The following SORCS3 variants were observed in gnomAD, a reference collection of about 807,000 sequenced individuals.
SORCS3 encodes the protein VPS10 domain-containing receptor SorCS3.
In SORCS3, 57 loss-of-function variants were observed where a neutral mutation model predicts 146.3. The observed-to-expected ratio is 0.39, with a 90% CI of 0.31 to 0.49. The LOEUF (loss-of-function observed/expected upper bound fraction) is 0.49, where lower values mean the gene tolerates loss of function less well. Among genes scored for constraint, SORCS3 ranks in the 20% least tolerant of loss-of-function variants. SORCS3 has a pLI of 0.92. For synonymous variants in SORCS3, 653 were observed against 618.5 expected, an observed-to-expected ratio of 1.06 and a Z score of -0.83; for missense variants, 1,341 against 1,575.5, an observed-to-expected ratio of 0.85 and a Z score of 2.52.
intron 7 of SORCS3, among the ~76,000 whole-genome samples, chr10:105,134,779 C>T (rs1170078862): frequency 6.6e-6 from 1 of 152,110 alleles, no homozygotes; most frequent in Non-Finnish European, 1.5e-5. Flanking sequence ...GTCCTTCTCA[C>T]ATGCAAAATA....
chr10:104,878,565 A>G (rs2018599529), intron 2 of SORCS3, among the ~76,000 whole-genome samples: 1 of 152,224 alleles, frequency 6.6e-6, no homozygotes, highest in Non-Finnish European at 1.5e-5. Context: ...TATTTATGAA[A>G]AGATATCTGT....
chr10:104,967,911 C>T (rs1327333928), intron 3 of SORCS3, among the ~76,000 whole-genome samples: 33 of 151,940 alleles, frequency 2.2e-4, no homozygotes, highest in Admixed American at 2.2e-3. Flanking sequence ...CTGCCCACCT[C>T]AGGCTCCCAA....
At chr10:104,735,553 G>A (rs1315504792) in intron 1 of SORCS3, among the ~76,000 whole-genome samples, 1 of 143,226 alleles carries the variant, frequency 7.0e-6, no homozygotes, top group Non-Finnish European at 1.5e-5. Context: ...AGGGTTCAAG[G>A]AAACTGGCCC....
At chr10:105,112,075 A>C (rs2055862582) in intron 7 of SORCS3, among the ~76,000 whole-genome samples, 1 of 152,210 alleles carries the variant, frequency 6.6e-6, no homozygotes, top group Admixed American at 6.5e-5. Context: ...AGTTGCTAGA[A>C]AGCACAGAAC....
chr10:105,072,524 C>T (rs547836414), intron 5 of SORCS3, among the ~76,000 whole-genome samples: 7 of 152,224 alleles, frequency 4.6e-5, no homozygotes, highest in South Asian at 2.1e-4. Context: ...GGAGGCTAAC[C>T]GCTCTGTGCC....
At position 105,043,072 on chromosome 10, in the gene SORCS3, C is replaced by T. The variant is rs749901604; in HGVS notation, c.972C>T (p.Asp324=). ...TTTTGCAGCTCTACAGCTCCATGGA[C>T]TTTGGAAGACGGTGGCAACTCATGC... The part of the protein sequence containing the change: ...SLDQKLYSSM[D]FGRRWQLMHE... The change falls in exon 5 of 27, where the codon GAC becomes GAT. Residue 324 remains aspartate, a synonymous_variant. Transcript: ENST00000369701. 1.2e-6 allele frequency: 2 copies of T among 1,613,818 alleles called. No homozygotes were observed. Among genetic ancestry groups the T allele is most frequent in the South Asian group, 1.1e-5 (1 of 91,072 alleles).
chr10:104,664,274 A>T (rs577947543), intron 1 of SORCS3, among the ~76,000 whole-genome samples: 5 of 152,342 alleles, frequency 3.3e-5, no homozygotes, highest in Admixed American at 1.3e-4. Context: ...AGCAATAAAC[A>T]GGAGCGGGGC....
rs181928066 is a variant in SORCS3 at position 105,186,631 on chromosome 10, C to T, written c.2009+8458C>T. On this transcript the variant is annotated intron_variant, in intron 14 of 26. Transcript: ENST00000369701. ...GGTGCGGTGGCTCACACCTGTAATCCCAGCACTTTGGGAGGCTGAGGTGGG... is the reference window on the plus strand; with the variant it reads ...GGTGCGGTGGCTCACACCTGTAATCTCAGCACTTTGGGAGGCTGAGGTGGG... Among the ~76,000 whole-genome samples, 608 of 152,078 alleles carry T rather than the reference C, an allele frequency of 4.0e-3. 1 individual carries two copies. The highest frequency in any genetic ancestry group is 7.1e-3 in the Admixed American group (108 of 15,282).
chr10:105,226,395 G>C (rs2056734155), intron 20 of SORCS3, among the ~76,000 whole-genome samples: 1 of 151,914 alleles, frequency 6.6e-6, no homozygotes, highest in Admixed American at 6.6e-5. Flanking sequence ...TTGCATCCCT[G>C]GGATAAATTC....
At chr10:104,886,554 T>TCATCTATCTATCCATC (rs568922489) in intron 2 of SORCS3, among the ~76,000 whole-genome samples, 2 of 127,842 alleles carry the variant, frequency 1.6e-5, no homozygotes, top group Admixed American at 8.4e-5. Flanking sequence ...TATAACTCTA[T>TCATCTATCTATCCATC]CATCTATCTA....
intron 3 of SORCS3, among the ~76,000 whole-genome samples, chr10:104,965,986 A>G (rs2054824437): frequency 1.3e-5 from 2 of 152,050 alleles, no homozygotes; most frequent in South Asian, 4.1e-4. Context: ...ATACATGCAT[A>G]TTGGTGTTCC....
At chr10:104,722,758 A>G (rs2016566192) in intron 1 of SORCS3, among the ~76,000 whole-genome samples, 1 of 152,040 alleles carries the variant, frequency 6.6e-6, no homozygotes, top group Admixed American at 6.6e-5. Flanking sequence ...TTTCTGGTTT[A>G]TTTGCATAGA....
chr10:104,877,417 A>G (rs2018587337), intron 2 of SORCS3, among the ~76,000 whole-genome samples: 1 of 152,168 alleles, frequency 6.6e-6, no homozygotes, highest in Non-Finnish European at 1.5e-5. Context: ...TCTTATGTAA[A>G]GTGGATACAC....
chr10:104,977,217 A>G (rs1273689922), intron 3 of SORCS3, 118 bp from the exon 4 acceptor site: 6 of 695,252 alleles, frequency 8.6e-6, no homozygotes, highest in Non-Finnish European at 1.3e-5. Context: ...ACAGAGGCCC[A>G]GATGCTCCTT....
intron 1 of SORCS3, among the ~76,000 whole-genome samples, chr10:104,816,484 A>G (rs1238971675): frequency 6.6e-6 from 1 of 152,208 alleles, no homozygotes; most frequent in Non-Finnish European, 1.5e-5. Flanking sequence ...GAAAAATAGA[A>G]TGTGCCTTAT....
In SORCS3 at chr10:105,255,346, T is replaced by C. The variant is rs539261820; in HGVS notation, c.3238-356T>C. Among the ~76,000 whole-genome samples, 7 of 151,996 alleles carry C rather than the reference T, an allele frequency of 4.6e-5. No individual in the cohort carries two copies. In the East Asian group the frequency reaches 9.7e-4, roughly 21 times the overall value. On this transcript the variant is annotated intron_variant, in intron 23 of 26. Transcript: ENST00000369701. ...GTGGTGTCGGGGGAGGAGGGAGGGATAGCATTAGGAGATATACCTAATGTT... is the reference window on the plus strand; with the variant it reads ...GTGGTGTCGGGGGAGGAGGGAGGGACAGCATTAGGAGATATACCTAATGTT...
At chr10:105,150,864 T>C (rs2056163363) in intron 9 of SORCS3, among the ~76,000 whole-genome samples, 1 of 152,296 alleles carries the variant, frequency 6.6e-6, no homozygotes, top group African/African-American at 2.4e-5. Context: ...TACTGGAAAT[T>C]CTCACAGAAA....
intron 5 of SORCS3, among the ~76,000 whole-genome samples, chr10:105,046,636 A>C (rs939505802): frequency 1.3e-5 from 2 of 152,152 alleles, no homozygotes; most frequent in African/African-American, 2.4e-5. Context: ...TGGGTTAGGC[A>C]GAGCACGGAA....
chr10:104,985,728 TAAC>T (rs2054958264), intron 4 of SORCS3, among the ~76,000 whole-genome samples: 1 of 152,166 alleles, frequency 6.6e-6, no homozygotes, highest in Non-Finnish European at 1.5e-5. Context: ...GTCATGAAAA[TAAC>T]AATCTATTTG....
Sources: allele counts gnomAD v4.1 joint callset (sites outside exome capture counted in the v4.1 genomes callset), GRCh38; gene constraint gnomAD v4.1.1; transcripts MANE v1.5; gene names NCBI Gene and HGNC (gene_info 2026-07-23, HGNC 2026-07-21).